Variants in BTRC observed in about 807,000 individuals in gnomAD.
BTRC encodes F-box/WD repeat-containing protein 1A.
BTRC carries 42 observed loss-of-function variants against 85.5 expected under a neutral mutation model. That is an observed-to-expected ratio of 0.49 (90% CI 0.38 to 0.64). BTRC has a LOEUF of 0.64. Among genes scored for constraint, BTRC ranks in the 30% least tolerant of loss-of-function variants. BTRC has a pLI of 0.00. For missense variants in BTRC, 594 were observed against 743.5 expected, an observed-to-expected ratio of 0.80 and a Z score of 2.34; for synonymous variants, 255 against 263.3, an observed-to-expected ratio of 0.97 and a Z score of 0.30.
At chr10:101,442,192 C>T (rs1944699821) in intron 2 of BTRC, among the ~76,000 whole-genome samples, 1 of 151,886 alleles carries the variant, frequency 6.6e-6, no homozygotes, top group South Asian at 2.1e-4. Flanking sequence ...CTTAGAGGTA[C>T]TGTAGAGCTC....
intron 5 of BTRC, among the ~76,000 whole-genome samples, chr10:101,523,546 T>G (rs1299679118): frequency 2.0e-5 from 3 of 152,190 alleles, no homozygotes; most frequent in South Asian, 2.1e-4. Flanking sequence ...GGGTTTTGGT[T>G]GTTGTTTTCC....
intron 1 of BTRC, among the ~76,000 whole-genome samples, chr10:101,385,405 T>C (rs891176107): frequency 5.4e-5 from 8 of 148,216 alleles, no homozygotes; most frequent in Non-Finnish European, 1.5e-5. Context: ...AAAGTGAAAC[T>C]GACTTTTTTT....
intron 4 of BTRC, among the ~76,000 whole-genome samples, chr10:101,487,737 GAGA>G (rs1946027190): frequency 1.3e-5 from 2 of 152,170 alleles, no homozygotes; most frequent in South Asian, 2.1e-4. Context: ...TGAAATTAAT[GAGA>G]AGAACAGTGT....
intron 1 of BTRC, among the ~76,000 whole-genome samples, chr10:101,409,450 G>A (rs906002547): frequency 3.9e-5 from 6 of 152,166 alleles, no homozygotes; most frequent in Non-Finnish European, 8.8e-5. Flanking sequence ...ATACAGTCAT[G>A]TGTCACTTGA....
intron 1 of BTRC, among the ~76,000 whole-genome samples, chr10:101,359,617 T>TTTTTTTA (rs1942143463): frequency 1.3e-5 from 2 of 151,004 alleles, no homozygotes; most frequent in African/African-American, 2.4e-5. Flanking sequence ...TTTTTTTTTT[T>TTTTTTTA]GAGATGGAGT....
chr10:101,540,509 T>C (rs2062450628), intron 13 of BTRC, among the ~76,000 whole-genome samples: 1 of 152,234 alleles, frequency 6.6e-6, no homozygotes, highest in South Asian at 2.1e-4. Flanking sequence ...TTTATTTTGA[T>C]TACTGCAGCT....
At position 101,423,592 on chromosome 10, in the gene BTRC, C is replaced by T. The variant is rs558766353; in HGVS notation, c.49-6753C>T. 2.6e-5 allele frequency among the ~76,000 whole-genome samples: 4 copies of T among 152,276 alleles called. 1 individual carries two copies. In the South Asian group the frequency reaches 8.3e-4, roughly 32 times the overall value. ...ACTTGAGTCTGTGGATTTGTGGAGA[C>T]AAACACATTTGAGTATTATTTCTGC... On this transcript the variant is annotated intron_variant, in intron 1 of 14. Transcript: ENST00000370187.
At chr10:101,449,510 G>A (rs144334888) in intron 2 of BTRC, among the ~76,000 whole-genome samples, 2 of 152,166 alleles carry the variant, frequency 1.3e-5, no homozygotes, top group Non-Finnish European at 2.9e-5. Context: ...ATCTCTGGAT[G>A]AAATATTTTT....
intron 2 of BTRC, among the ~76,000 whole-genome samples, chr10:101,435,697 C>T (rs1287220063): frequency 2.0e-5 from 3 of 151,792 alleles, no homozygotes; most frequent in Non-Finnish European, 4.4e-5. Flanking sequence ...TTTTATTTCT[C>T]TTAGGTACAT....
At chr10:101,355,366 ACC>A (rs1942004395) in intron 1 of BTRC, among the ~76,000 whole-genome samples, 1 of 147,994 alleles carries the variant, frequency 6.8e-6, no homozygotes, top group Admixed American at 6.7e-5. Flanking sequence ...GTGTGCTTAA[ACC>A]CCTTGGAACA....
chr10:101,371,306 G>A (rs1271462939), intron 1 of BTRC, among the ~76,000 whole-genome samples: 1 of 152,116 alleles, frequency 6.6e-6, no homozygotes, highest in Non-Finnish European at 1.5e-5. Flanking sequence ...AGCCTCCTGA[G>A]TAGCTGGGAC....
chr10:101,374,432 C>G (rs1942730696), intron 1 of BTRC, among the ~76,000 whole-genome samples: 1 of 150,902 alleles, frequency 6.6e-6, no homozygotes, highest in African/African-American at 2.4e-5. Flanking sequence ...CACATATACA[C>G]CATGGAATAC....
chr10:101,398,418 T>G (rs1482896804), intron 1 of BTRC, among the ~76,000 whole-genome samples: 1 of 152,120 alleles, frequency 6.6e-6, no homozygotes, highest in Non-Finnish European at 1.5e-5. Context: ...TTCTCCTGCC[T>G]CAGCCTCCCG....
chr10:101,372,567 G>A (rs1424479459), intron 1 of BTRC, among the ~76,000 whole-genome samples: 2 of 147,100 alleles, frequency 1.4e-5, no homozygotes, highest in Non-Finnish European at 1.5e-5. Flanking sequence ...ATTTTCATGT[G>A]TATTAGAATC....
intron 2 of BTRC, among the ~76,000 whole-genome samples, chr10:101,440,130 T>A (rs1419221918): frequency 6.6e-6 from 1 of 152,204 alleles, no homozygotes; most frequent in Non-Finnish European, 1.5e-5. Context: ...TTATGCCAAA[T>A]GAATAGAAAA....
intron 5 of BTRC, among the ~76,000 whole-genome samples, chr10:101,522,408 C>CTTTT (rs1249866195): frequency 1.5e-4 from 5 of 33,348 alleles, no homozygotes; most frequent in South Asian, 2.1e-3. Flanking sequence ...AATAAAGACT[C>CTTTT]CTTTTTTTTT....
chr10:101,462,098 C>T (rs1305354199), intron 3 of BTRC, 40 bp downstream of exon 3: 5 of 1,391,120 alleles, frequency 3.6e-6, no homozygotes, highest in Non-Finnish European at 3.8e-6. Context: ...AAGCTACCAA[C>T]AGCAAAACAA....
At chr10:101,389,125 T>G (rs1444080747) in intron 1 of BTRC, among the ~76,000 whole-genome samples, 3 of 132,728 alleles carry the variant, frequency 2.3e-5, no homozygotes, top group East Asian at 2.1e-4. Flanking sequence ...GTGTGTTTTT[T>G]TTTTTTTTTT....
chr10:101,383,281 T>C (rs1000923335), intron 1 of BTRC, among the ~76,000 whole-genome samples: 2 of 151,870 alleles, frequency 1.3e-5, no homozygotes, highest in Non-Finnish European at 2.9e-5. Context: ...AGTTTGCCAT[T>C]CTTTAGGCCT....
Sources: allele counts gnomAD v4.1 joint callset (sites outside exome capture counted in the v4.1 genomes callset), GRCh38; gene constraint gnomAD v4.1.1; transcripts MANE v1.5; gene names NCBI Gene and HGNC (gene_info 2026-07-23, HGNC 2026-07-21).